OXA1L: variants seen among roughly 807,000 people sequenced by gnomAD.
The protein encoded by OXA1L is OXA1L mitochondrial inner membrane insertase.
A neutral mutation model predicts 52.2 loss-of-function variants in OXA1L; 42 were observed. That is an observed-to-expected ratio of 0.80 (90% CI 0.63 to 1.04). The LOEUF is 1.04. Among genes scored for constraint, OXA1L ranks in the 50% least tolerant of loss-of-function variants. OXA1L has a pLI of 0.00. For synonymous variants in OXA1L, 239 were observed against 201.9 expected, an observed-to-expected ratio of 1.18 and a Z score of -1.56; for missense variants, 572 against 555.0, an observed-to-expected ratio of 1.03 and a Z score of -0.31.
intron 1 of OXA1L, 146 bp downstream of exon 1, chr14:22,766,910 C>CT: frequency 6.6e-7 from 1 of 1,516,576 alleles, no homozygotes; most frequent in Non-Finnish European, 8.8e-7. Flanking sequence ...TGAGGACGCG[C>CT]TAGGGTTAGT....
At position 22,767,186 on chromosome 14, in the gene OXA1L, T is replaced by C. The variant is rs555788051; in HGVS notation, c.64-62T>C. 8 of 1,567,886 alleles carry C rather than the reference T, an allele frequency of 5.1e-6. No homozygotes were observed. In the Admixed American group the frequency reaches 1.5e-4, roughly 28 times the overall value. On this transcript the variant is annotated intron_variant, in intron 1 of 9. Coordinates refer to ENST00000612549, the MANE Select transcript of OXA1L (RefSeq NM_005015.5). Reference sequence around the variant, plus strand: ...GGGAGTTAGCATAATGAATCCCGTTTGCACCCACGCGAGGACTTCTGCTCC... The same window carrying C: ...GGGAGTTAGCATAATGAATCCCGTTCGCACCCACGCGAGGACTTCTGCTCC...
In OXA1L at chr14:22,771,468, C is replaced by A; in HGVS notation, c.1218C>A (p.Leu406=). The change falls in exon 10 of 10, where the codon CTC becomes CTA. Residue 406 remains leucine, a synonymous_variant. Coordinates refer to ENST00000612549, the MANE Select transcript of OXA1L (RefSeq NM_005015.5). ...PLRQTFTHNP[L]LQPGKDNPPN... is the part of the protein sequence containing the mutation. The stretch of plus-strand genomic sequence containing the variant: ...GACAGACCTTTACCCACAACCCTCT[C>A]CTACAACCTGGAAAGGATAACCCTC... 2 of 1,614,084 alleles carry A rather than the reference C, an allele frequency of 1.2e-6. No individual in the cohort carries two copies. The highest frequency in any genetic ancestry group is 2.7e-5 in the African/African-American group (2 of 75,008).
chr14:22,770,420 C>G (rs149123844), intron 5 of OXA1L, 41 bp from the exon 6 acceptor site: 11 of 1,602,702 alleles, frequency 6.9e-6, no homozygotes, highest in Middle Eastern at 1.7e-4. Context: ...AAAATGTTCT[C>G]TCTGGTAAAG....
intron 1 of OXA1L, 70 bp from the exon 2 acceptor site, chr14:22,767,178 A>G: frequency 6.4e-7 from 1 of 1,560,736 alleles, no homozygotes; most frequent in Non-Finnish European, 8.7e-7. Flanking sequence ...AGCATAATGA[A>G]TCCCGTTTGC....
At chr14:22,767,071 GGCACCACCC>G in intron 1 of OXA1L, 168 bp from the exon 2 acceptor site, 1 of 1,536,550 alleles carries the variant, frequency 6.5e-7, no homozygotes, top group African/African-American at 1.4e-5. Flanking sequence ...TCGCTCTGCA[GGCACCACCC>G]GCTGCATGCC....
At position 22,768,008 on chromosome 14, in the gene OXA1L, T is replaced by A. The variant is rs1566433785; in HGVS notation, c.276T>A (p.Pro92=). 1 of 1,614,194 alleles carries A rather than the reference T, an allele frequency of 6.2e-7. No individual in the cohort carries two copies. Among genetic ancestry groups the A allele is most frequent in the Non-Finnish European group, 8.5e-7 (1 of 1,180,008 alleles). ...CAACTCCCTCACCCACAGCAGTACC[T>A]GAGGTGGCTTCTGGAGAGACTGCAG... ...VAATPSPTAV[P]EVASGETADV... is the part of the protein sequence containing the mutation. Residue 92 remains proline (P), a synonymous_variant, in exon 3 of 10, where the codon CCT becomes CCA. Transcript: ENST00000612549.
chr14:22,771,573 G>T lies in OXA1L; in HGVS notation c.*15G>T. The T allele has an allele frequency of 1.2e-6, 2 of 1,613,820 alleles. No homozygotes were observed. Among genetic ancestry groups the T allele is most frequent in the Non-Finnish European group, 1.7e-6 (2 of 1,179,768 alleles). On this transcript the variant is annotated 3_prime_UTR_variant, in exon 10 of 10. Coordinates refer to ENST00000612549, the MANE Select transcript of OXA1L (RefSeq NM_005015.5). ...CACTTGGCTGACTTATGTTCTGTGC[G>T]CATTCTGGCAGGAATTCTGTCTCTT...
In OXA1L at chr14:22,767,940, A is replaced by G; in HGVS notation, c.226-18A>G. 2 of 1,591,562 alleles carry G rather than the reference A, an allele frequency of 1.3e-6. No homozygotes were observed. The highest frequency in any genetic ancestry group is 2.7e-5 in the African/African-American group (2 of 74,316). ...TTCGCTACTGAATAAATATAATACA[A>G]GGCTTTCTTTCACACAGGTTCAGGC... On this transcript the variant is annotated intron_variant, in intron 2 of 9. Coordinates refer to ENST00000612549, the MANE Select transcript of OXA1L (RefSeq NM_005015.5).
In OXA1L at chr14:22,771,117, C is replaced by G; in HGVS notation, c.1039C>G (p.Arg347Gly). 1 of 1,614,076 alleles carries G rather than the reference C, an allele frequency of 6.2e-7. No individual in the cohort carries two copies. The highest frequency in any genetic ancestry group is 8.5e-7 in the Non-Finnish European group (1 of 1,180,002). The change falls in exon 8 of 10, where the codon CGT becomes GGT. Residue 347 changes from arginine to glycine, a missense_variant. By Grantham distance (125) the Arg-to-Gly change is moderately radical (BLOSUM62 -2). Transcript: ENST00000612549. ...ACGCACTGTACTTAAAATCCCCCAGCGTGTTGTACATGACCTGGACAAATT... is the reference window on the plus strand; with the variant it reads ...ACGCACTGTACTTAAAATCCCCCAGGGTGTTGTACATGACCTGGACAAATT... Reference protein sequence around the residue: ...AVRTVLKIPQRVVHDLDKLPP... With the variant: ...AVRTVLKIPQGVVHDLDKLPP...
Position 22,767,421 on chromosome 14 carries a change from T to C in OXA1L, c.225+12T>C. ...TTGCAGAAGTCCAGGTAAGAGGCCT[T>C]TCGTTCCTGCAATATTAGGAGTGGT... On this transcript the variant is annotated intron_variant, in intron 2 of 9. Coordinates refer to ENST00000612549, the MANE Select transcript of OXA1L (RefSeq NM_005015.5). 6.3e-7 allele frequency: 1 copy of C among 1,585,858 alleles called. No individual in the cohort carries two copies. The highest frequency in any genetic ancestry group is 8.6e-7 in the Non-Finnish European group (1 of 1,169,004).
At chr14:22,768,356 C>T in intron 3 of OXA1L, 185 bp downstream of exon 3, 1 of 593,514 alleles carries the variant, frequency 1.7e-6, no homozygotes, top group Non-Finnish European at 3.0e-6. Flanking sequence ...CATTATAAAA[C>T]CACCAGATCA....
rs772751581 is a variant in OXA1L at position 22,769,791 on chromosome 14, G to T, written c.440G>T (p.Cys147Phe). The stretch of plus-strand genomic sequence containing the variant: ...TCCAATCCTAGTTTGTATTTTCCAG[G>T]TACAGTCTTTGCCCGCTGCCTGATT... ...GLPWWGAIAA[C>F]TVFARCLIFP... is the part of the protein sequence containing the mutation. The change falls in exon 4 of 10, where the codon TGT (cysteine) becomes TTT (phenylalanine). Residue 147 changes from cysteine (C) to phenylalanine (F), a missense_variant and splice_region_variant. Cys to Phe is a radical substitution (Grantham distance 205). Transcript: ENST00000612549. 1.2e-6 allele frequency: 2 copies of T among 1,614,136 alleles called. No homozygotes were observed. Among genetic ancestry groups the T allele is most frequent in the East Asian group, 2.2e-5 (1 of 44,890 alleles).
chr14:22,767,433 A>T, intron 2 of OXA1L, 24 bp downstream of exon 2: 1 of 1,573,868 alleles, frequency 6.4e-7, no homozygotes, highest in South Asian at 1.2e-5. Flanking sequence ...CGTTCCTGCA[A>T]TATTAGGAGT....
rs770066546 is a variant in OXA1L at position 22,768,148 on chromosome 14, C to T, written c.416C>T (p.Pro139Leu). ...TTTATGCATGTTGATCTGGGCCTAC[C>T]TTGGTGGGGGGCCATTGCTGCATGT... ...LEFMHVDLGLPWWGAIAACTV... is the reference protein window; with the variant it reads ...LEFMHVDLGLLWWGAIAACTV... Residue 139 changes from proline (P) to leucine (L), a missense_variant, in exon 3 of 10, where the codon CCT (proline) becomes CTT (leucine). By Grantham distance (98) the Pro-to-Leu change is moderately conservative (BLOSUM62 -3). Coordinates refer to ENST00000612549, the MANE Select transcript of OXA1L (RefSeq NM_005015.5). 7.4e-6 allele frequency: 12 copies of T among 1,614,060 alleles called. No homozygotes were observed. The highest frequency in any genetic ancestry group is 1.0e-5 in the Non-Finnish European group (12 of 1,179,950).
rs1213602889 is a variant in OXA1L at position 22,769,775 on chromosome 14, A to G, written c.440-16A>G. 6.2e-7 allele frequency: 1 copy of G among 1,613,970 alleles called. No individual in the cohort carries two copies. Among genetic ancestry groups the G allele is most frequent in the South Asian group, 1.1e-5 (1 of 91,064 alleles). On this transcript the variant is annotated splice_polypyrimidine_tract_variant and intron_variant, in intron 3 of 9. Coordinates refer to ENST00000612549, the MANE Select transcript of OXA1L (RefSeq NM_005015.5). ...ACTGCTTTAATTTCACTCCAATCCTAGTTTGTATTTTCCAGGTACAGTCTT... is the reference window on the plus strand; with the variant it reads ...ACTGCTTTAATTTCACTCCAATCCTGGTTTGTATTTTCCAGGTACAGTCTT...
Position 22,766,688 on chromosome 14 carries a change from C to G in OXA1L, c.-14C>G. 2 of 1,614,274 alleles carry G rather than the reference C, an allele frequency of 1.2e-6. No homozygotes were observed. The highest frequency in any genetic ancestry group is 1.7e-6 in the Non-Finnish European group (2 of 1,180,050). On this transcript the variant is annotated 5_prime_UTR_variant, in exon 1 of 10. Coordinates refer to ENST00000612549, the MANE Select transcript of OXA1L (RefSeq NM_005015.5). ...TACTGCGCAGGCGCAAAAGCAAGTC[C>G]TCTTCCGGGCAAAATGGCGATGGGA... is the stretch of plus-strand genomic sequence containing the variant.
At chr14:22,766,944 C>T in intron 1 of OXA1L, 180 bp downstream of exon 1, 1 of 1,515,010 alleles carries the variant, frequency 6.6e-7, no homozygotes, top group South Asian at 1.2e-5. Context: ...GGCCCAGCAG[C>T]CCGGTGTCAG....
rs199541658 is a variant in OXA1L, at chr14:22,771,315, C to T, written c.1150C>T (p.Arg384Cys). The change falls in exon 9 of 10, where the codon CGC (arginine) becomes TGC (cysteine). Residue 384 changes from arginine to cysteine, a missense_variant. Arg to Cys is a radical substitution (Grantham distance 180). Around this residue, in one of 5 missense-constraint regions of OXA1L, gnomAD observed 244 missense variants for 240.2 expected, o/e 1.02. Transcript: ENST00000612549. ...GCGTCAGCTGCGAGAGCGTGAACAA[C>T]GCATGCGGAATCAGTTGGAGCTAGC... ...MTRQLREREQ[R>C]MRNQLELAAR... 90 of 1,614,178 alleles carry T rather than the reference C, an allele frequency of 5.6e-5. No homozygotes were observed. Among genetic ancestry groups the T allele is most frequent in the Middle Eastern group, 1.7e-4 (1 of 6,060 alleles).
At position 22,768,113 on chromosome 14, in the gene OXA1L, T is replaced by C. The variant is rs2038426262; in HGVS notation, c.381T>C (p.Asn127=). 1 of 1,614,042 alleles carries C rather than the reference T, an allele frequency of 6.2e-7. No individual in the cohort carries two copies. Among genetic ancestry groups the C allele is most frequent in the African/African-American group, 1.3e-5 (1 of 74,908 alleles). Residue 127 remains asparagine (N), a synonymous_variant, in exon 3 of 10, where the codon AAT becomes AAC. Coordinates refer to ENST00000612549, the MANE Select transcript of OXA1L (RefSeq NM_005015.5). ...ACACCCCAGTGGGACTGATCCAGAA[T>C]TTACTGGAATTTATGCATGTTGATC... The part of the protein sequence containing the change: ...GSYTPVGLIQ[N]LLEFMHVDLG...
Sources: gnomAD v4.1 joint callset for allele counts on GRCh38, gnomAD v4.1.1 for gene constraint, gnomAD v4.1.1 regional missense constraint, MANE v1.5 for transcripts, NCBI Gene and HGNC (gene_info 2026-07-23, HGNC 2026-07-21) for gene names.